The following ELAC2 variants were observed in gnomAD, a reference collection of about 807,000 sequenced individuals.
The protein encoded by ELAC2 is zinc phosphodiesterase ELAC protein 2.
A neutral mutation model predicts 105.2 loss-of-function variants in ELAC2; 92 were observed. That is an observed-to-expected ratio of 0.87 (90% confidence interval 0.74 to 1.04). The LOEUF is 1.04. Among genes scored for constraint, ELAC2 ranks in the 50% least tolerant of loss-of-function variants. The pLI, the probability that ELAC2 is intolerant of heterozygous loss-of-function variation, is 0.00. For synonymous variants in ELAC2, 468 were observed against 409.1 expected (o/e 1.14, Z -1.74); for missense variants, 1,099 against 1,071.7 (o/e 1.03, Z -0.36).
intron 1 of ELAC2, 36 bp downstream of exon 1, chr17:13,017,667 G>C (rs754394571): frequency 1.9e-6 from 3 of 1,613,138 alleles, no homozygotes; most frequent in South Asian, 1.1e-5. Flanking sequence ...GCCGCACTGA[G>C]GGCCCAGCGG....
chr17:13,003,570 G>A lies in ELAC2; in HGVS notation c.988C>T (p.Gln330Ter). ...GCCACGGGGGCATCTGCCTTTCCTTGGTACCTGGGCAGAAGAGTGGGGCTT... is the reference window on the plus strand; with the variant it reads ...GCCACGGGGGCATCTGCCTTTCCTTAGTACCTGGGCAGAAGAGTGGGGCTT... Reference protein sequence around the residue: ...ICENATFQRYQGKADAPVALV... With the variant: ...ICENATFQRY Residue 330 changes from glutamine to a stop codon, truncating the protein, a stop_gained, in exon 12 of 24, where the codon CAA becomes TAA. Transcript: ENST00000338034. LOFTEE classifies it high-confidence loss of function. 1.2e-6 allele frequency: 2 copies of A among 1,614,034 alleles called. No homozygotes were observed. The highest frequency in any genetic ancestry group is 1.7e-6 in the Non-Finnish European group (2 of 1,179,930).
Position 13,012,353 on chromosome 17 carries a change from C to G in ELAC2, c.560-571G>C, listed in dbSNP as rs540652519. Among the ~76,000 whole-genome samples, 52 of 152,328 alleles carry G rather than the reference C, an allele frequency of 3.4e-4. No individual in the cohort carries two copies. In the South Asian group the frequency reaches 0.01, roughly 30 times the overall value. On this transcript the variant is annotated intron_variant, in intron 6 of 23. Transcript: ENST00000338034. ...AGAACAGGGTGCTGGAAATGGACAA[C>G]AAACAGGTGGATGCAACTCAGGCTG...
In ELAC2 at chr17:13,005,722, A is replaced by C. The variant is rs1369766647; in HGVS notation, c.870+31T>G. On this transcript the variant is annotated intron_variant, in intron 10 of 23. Transcript: ENST00000338034. Reference sequence around the variant, plus strand: ...CCCAGCATTTCAGACCCTACCTGTAACTGCTGAATCAAGAAAACCAGGCAT... The same window carrying C: ...CCCAGCATTTCAGACCCTACCTGTACCTGCTGAATCAAGAAAACCAGGCAT... 6 of 1,600,410 alleles carry C rather than the reference A, an allele frequency of 3.7e-6. No homozygotes were observed. The Admixed American group carries it at 1.0e-4, about 27-fold the overall frequency.
intron 10 of ELAC2, 66 bp downstream of exon 10, chr17:13,005,683 GAAGA>G: frequency 6.5e-7 from 1 of 1,533,032 alleles, no homozygotes; most frequent in Non-Finnish European, 9.0e-7. Flanking sequence ...AGGGCCTGAA[GAAGA>G]CAGACTCTGC....
intron 15 of ELAC2, among the ~76,000 whole-genome samples, chr17:12,999,682 G>A (rs891500409): frequency 1.0e-4 from 15 of 150,380 alleles, no homozygotes; most frequent in Non-Finnish European, 1.6e-4. Flanking sequence ...TTTTTGAGAC[G>A]GAGTCTCACT....
chr17:12,993,903 C>A (rs2040333249), intron 22 of ELAC2, 72 bp from the exon 23 acceptor site: 33 of 1,608,252 alleles, frequency 2.1e-5, no homozygotes, highest in Non-Finnish European at 2.8e-5. Context: ...GTGGCACAGA[C>A]CCTGGCCATC....
chr17:12,999,808 G>A (rs966852360), intron 15 of ELAC2, among the ~76,000 whole-genome samples: 4 of 152,132 alleles, frequency 2.6e-5, no homozygotes, highest in African/African-American at 7.2e-5. Flanking sequence ...ACAGGCGCCC[G>A]CCGCCACGCC....
intron 23 of ELAC2, 85 bp from the exon 24 acceptor site, chr17:12,993,130 C>A (rs1489406331): frequency 5.1e-6 from 7 of 1,372,136 alleles, no homozygotes; most frequent in Non-Finnish European, 7.2e-6. Flanking sequence ...GTCATGTGCT[C>A]ACACAGCAGC....
intron 23 of ELAC2, 68 bp from the exon 24 acceptor site, chr17:12,993,113 G>A: frequency 2.7e-6 from 4 of 1,499,984 alleles, no homozygotes; most frequent in Non-Finnish European, 3.7e-6. Context: ...GAGCTGGAAG[G>A]GATGCAGTCA....
chr17:13,016,004 A>G (rs977107077), intron 3 of ELAC2, among the ~76,000 whole-genome samples, 172 bp from the exon 4 acceptor site: 2 of 152,248 alleles, frequency 1.3e-5, no homozygotes, highest in African/African-American at 4.8e-5. Flanking sequence ...GGTGTAACAG[A>G]CACCAAATAT....
chr17:13,014,906 G>A (rs141365161), intron 4 of ELAC2, among the ~76,000 whole-genome samples: 173 of 152,338 alleles, frequency 1.1e-3, no homozygotes, highest in African/African-American at 2.9e-3. Flanking sequence ...AATTAGAAGA[G>A]GCAGAGGGAA....
Position 13,005,940 on chromosome 17 carries a change from T to C in ELAC2, c.778A>G (p.Lys260Glu), listed in dbSNP as rs781088163. The C allele has an allele frequency of 1.2e-6, 2 of 1,614,190 alleles. No individual in the cohort carries two copies. Among genetic ancestry groups the C allele is most frequent in the Non-Finnish European group, 1.7e-6 (2 of 1,180,040 alleles). The part of the protein sequence containing the change: ...KRGNFLVLKA[K>E]EMGLPVGTAA... ...ACTCACACTGGGAGGCCCATCTCCT[T>C]TGCTTTGAGCACCAAGAAGTTTCCT... Residue 260 changes from lysine to glutamate, a missense_variant, in exon 9 of 24, where the codon AAG (lysine) becomes GAG (glutamate). Transcript: ENST00000338034.
intron 14 of ELAC2, among the ~76,000 whole-genome samples, chr17:13,001,090 A>G (rs936072284): frequency 4.6e-5 from 7 of 152,216 alleles, no homozygotes; most frequent in African/African-American, 9.7e-5. Context: ...AAGGGCCCCA[A>G]CTACCCAACC....
chr17:13,012,969 C>T (rs2041501489), intron 6 of ELAC2, among the ~76,000 whole-genome samples: 2 of 152,220 alleles, frequency 1.3e-5, no homozygotes, highest in South Asian at 4.1e-4. Context: ...TATTTACCAA[C>T]AGTGCTTGAT....
chr17:13,016,815 C>A, intron 3 of ELAC2, 47 bp downstream of exon 3: 1 of 1,564,128 alleles, frequency 6.4e-7, no homozygotes, highest in African/African-American at 1.4e-5. Context: ...CGGTTAAAAT[C>A]CCAGAGACTT....
chr17:13,010,564 G>A (rs768072563), intron 8 of ELAC2, 49 bp downstream of exon 8: 27 of 1,562,450 alleles, frequency 1.7e-5, no homozygotes, highest in Non-Finnish European at 2.0e-5. Flanking sequence ...ACCAGAGGTC[G>A]CTGACCAAGA....
chr17:12,994,385 G>A (rs372106847), intron 22 of ELAC2, 40 bp downstream of exon 22: 31 of 1,608,550 alleles, frequency 1.9e-5, no homozygotes, highest in Non-Finnish European at 2.6e-5. Flanking sequence ...GTGGGGGAGG[G>A]AGAGGATGTG....
intron 22 of ELAC2, 32 bp downstream of exon 22, chr17:12,994,393 G>A (rs1002756423): frequency 6.2e-7 from 1 of 1,612,390 alleles, no homozygotes; most frequent in East Asian, 2.2e-5. Context: ...GGGAGAGGAT[G>A]TGGGCGACAA....
chr17:13,004,925 G>A (rs751783171), intron 11 of ELAC2, 64 bp downstream of exon 11: 10 of 1,243,322 alleles, frequency 8.0e-6, no homozygotes, highest in Admixed American at 1.7e-5. Flanking sequence ...GCCACAAGAT[G>A]CCCATGTCGA....
Sources: allele counts gnomAD v4.1 joint callset (sites outside exome capture counted in the v4.1 genomes callset), GRCh38; gene constraint gnomAD v4.1.1; transcripts MANE v1.5; gene names NCBI Gene and HGNC (gene_info 2026-07-23, HGNC 2026-07-21).